Variants in SKIC2 observed in about 807,000 individuals in gnomAD.
The protein encoded by SKIC2 is SKI2 subunit of superkiller complex.
chr6:31,968,546 C>G, the SKIC2 span: 17 of 1,609,158 alleles, frequency 1.1e-5, no homozygotes, highest in Admixed American at 3.3e-5. The surrounding 1 kb of genome is among the most constrained non-coding windows in gnomAD (Gnocchi z 6.1). Flanking sequence ...CAGGTAGGAC[C>G]CTGGGTGGTA....
chr6:31,960,965 A>G, the SKIC2 span: 3 of 1,105,176 alleles, frequency 2.7e-6, no homozygotes, highest in Non-Finnish European at 4.2e-6. Flanking sequence ...TGTAAATGGT[A>G]TCTTTTAGGT....
chr6:31,959,339 TGGAGCTC>T, the SKIC2 span: 1 of 1,613,980 alleles, frequency 6.2e-7, no homozygotes, highest in East Asian at 2.2e-5. Context: ...CTTCGGGCCG[TGGAGCTC>T]GGATGCACGG....
chr6:31,969,734 T>C, the SKIC2 span: 3,016 of 1,583,456 alleles, frequency 1.9e-3, 95 homozygotes, highest in East Asian at 0.063. The surrounding 1 kb of genome is among the most constrained non-coding windows in gnomAD (Gnocchi z 6.1). Flanking sequence ...TGTAAAAACA[T>C]GATGATAAAA....
chr6:31,964,458 C>A, the SKIC2 span: 1 of 746,998 alleles, frequency 1.3e-6, no homozygotes, highest in South Asian at 1.5e-5. This position sits in a 1 kb window ranked among gnomAD's most constrained non-coding sequence, Gnocchi z 5.0. Flanking sequence ...AGAATCTGGG[C>A]TCTGGATTCA....
chr6:31,968,188 G>A, the SKIC2 span: 3 of 1,525,276 alleles, frequency 2.0e-6, no homozygotes. This position sits in a 1 kb window ranked among gnomAD's most constrained non-coding sequence, Gnocchi z 6.1. Context: ...ATGAAGTGGT[G>A]GGGTTGTAGT....
the SKIC2 span, chr6:31,962,806 C>T: frequency 6.3e-7 from 1 of 1,597,776 alleles, no homozygotes. The surrounding 1 kb of genome is among the most constrained non-coding windows in gnomAD (Gnocchi z 5.0). Context: ...GAGGTAAGGG[C>T]CATGGGCTCC....
At chr6:31,967,705 C>A in the SKIC2 span, 1 of 1,612,512 alleles carries the variant, frequency 6.2e-7, no homozygotes, top group African/African-American at 1.3e-5. The surrounding 1 kb of genome is among the most constrained non-coding windows in gnomAD (Gnocchi z 4.9). Flanking sequence ...GCCTCTCTGA[C>A]CACCCCCAGG....
At chr6:31,961,453 G>T in the SKIC2 span, 2 of 1,531,668 alleles carry the variant, frequency 1.3e-6, no homozygotes, top group African/African-American at 1.4e-5. Context: ...GGCTAGGATG[G>T]GTCTGAGGGG....
the SKIC2 span, chr6:31,969,141 T>G: frequency 6.3e-7 from 1 of 1,575,786 alleles, no homozygotes; most frequent in Admixed American, 1.7e-5. The surrounding 1 kb of genome is among the most constrained non-coding windows in gnomAD (Gnocchi z 6.1). Context: ...TTCCTGACCT[T>G]CACCTTCAGG....
At chr6:31,965,962 G>A in the SKIC2 span, 1 of 1,611,450 alleles carries the variant, frequency 6.2e-7, no homozygotes, top group Middle Eastern at 1.7e-4. This position sits in a 1 kb window ranked among gnomAD's most constrained non-coding sequence, Gnocchi z 5.6. Context: ...CCGTTATCCT[G>A]CTCTGCAAGG....
At chr6:31,968,285 G>C in the SKIC2 span, 1 of 1,526,234 alleles carries the variant, frequency 6.6e-7, no homozygotes, top group Non-Finnish European at 9.1e-7. This position sits in a 1 kb window ranked among gnomAD's most constrained non-coding sequence, Gnocchi z 6.1. Flanking sequence ...TTCTGGGGGA[G>C]AGAAGATCTT....
At chr6:31,960,458 G>A in the SKIC2 span, 60 of 1,613,976 alleles carry the variant, frequency 3.7e-5, 1 homozygote, top group Admixed American at 4.8e-4. Context: ...CAAATCTCTC[G>A]GCTACAACCT....
the SKIC2 span, chr6:31,961,801 G>C: frequency 6.4e-7 from 1 of 1,552,282 alleles, no homozygotes; most frequent in East Asian, 2.3e-5. Flanking sequence ...CTCAGTCCCA[G>C]CCTCGGCTGG....
the SKIC2 span, chr6:31,966,098 C>A: frequency 9.5e-6 from 9 of 942,410 alleles, no homozygotes; most frequent in Non-Finnish European, 1.4e-5. The surrounding 1 kb of genome is among the most constrained non-coding windows in gnomAD (Gnocchi z 5.9). Context: ...TCTTTTTCTT[C>A]TTCCTTTTTT....
At chr6:31,962,032 C>G in the SKIC2 span, 1 of 1,613,104 alleles carries the variant, frequency 6.2e-7, no homozygotes, top group Non-Finnish European at 8.5e-7. The surrounding 1 kb of genome is among the most constrained non-coding windows in gnomAD (Gnocchi z 5.0). Context: ...TGCCATTGCC[C>G]TGGCCCAGAA....
the SKIC2 span, chr6:31,967,385 T>C: frequency 1.2e-6 from 2 of 1,603,378 alleles, no homozygotes; most frequent in African/African-American, 1.3e-5. The surrounding 1 kb of genome is among the most constrained non-coding windows in gnomAD (Gnocchi z 4.9). Flanking sequence ...CAGGTGAGGG[T>C]GATGGGAATT....
At chr6:31,968,236 G>C in the SKIC2 span, 1 of 1,423,796 alleles carries the variant, frequency 7.0e-7, no homozygotes, top group Non-Finnish European at 9.8e-7. This position sits in a 1 kb window ranked among gnomAD's most constrained non-coding sequence, Gnocchi z 6.1. Context: ...CTGTGAAGTG[G>C]AGGTTGTAGT....
the SKIC2 span, chr6:31,959,273 C>G: frequency 1.9e-6 from 3 of 1,608,100 alleles, no homozygotes; most frequent in Non-Finnish European, 2.6e-6. Context: ...ACTTTGACCC[C>G]TGACTTTTGA....
the SKIC2 span, chr6:31,964,240 C>T: frequency 1.2e-6 from 2 of 1,612,996 alleles, no homozygotes; most frequent in African/African-American, 2.7e-5. The surrounding 1 kb of genome is among the most constrained non-coding windows in gnomAD (Gnocchi z 5.0). Flanking sequence ...AGGTCCTGCA[C>T]ATGTCAGAGC....
Sources: gnomAD v4.1 joint callset for allele counts on GRCh38, gnomAD v4.1.1 for gene constraint, Gnocchi (gnomAD v3.1) non-coding constraint, MANE v1.5 for transcripts, NCBI Gene and HGNC (gene_info 2026-07-23, HGNC 2026-07-21) for gene names.